JAML: variants seen among roughly 807,000 people sequenced by gnomAD.
JAML encodes junctional adhesion molecule-like.
In JAML, 25 loss-of-function variants were observed where a neutral mutation model predicts 39.3. The observed-to-expected ratio is 0.64, with a 90% CI of 0.46 to 0.89. JAML has a LOEUF of 0.89. JAML is among the 40% of genes least tolerant of loss of function. The pLI, the probability that JAML is intolerant of heterozygous loss-of-function variation, is 0.00. For missense variants in JAML, 440 were observed against 486.9 expected, an observed-to-expected ratio of 0.90 and a Z score of 0.91; for synonymous variants, 162 against 179.2, an observed-to-expected ratio of 0.90 and a Z score of 0.77.
In JAML at chr11:118,212,412, C is replaced by A; in HGVS notation, c.193G>T (p.Ala65Ser). The change falls in exon 3 of 10, where the codon GCC becomes TCC. Residue 65 changes from alanine to serine, a missense_variant. Physicochemically the swap from Ala to Ser is moderately conservative, Grantham distance 99. Coordinates refer to ENST00000356289, the MANE Select transcript of JAML (RefSeq NM_001098526.2). ...TGATGTTTCCCCCGCGTTACCTTGG[C>A]GTGCTCTCCTGGTGACAGAGTCCAG... ...IDWTLSPGEHAKDEYVLYYYS... is the reference protein window; with the variant it reads ...IDWTLSPGEHSKDEYVLYYYS... The A allele has an allele frequency of 6.2e-7, 1 of 1,613,894 alleles. No homozygotes were observed. Among genetic ancestry groups the A allele is most frequent in the Non-Finnish European group, 8.5e-7 (1 of 1,179,932 alleles).
At chr11:118,196,652 C>A in intron 9 of JAML, 83 bp downstream of exon 9, 1 of 1,233,140 alleles carries the variant, frequency 8.1e-7, no homozygotes, top group Non-Finnish European at 1.2e-6. Flanking sequence ...CAGCAGCCTC[C>A]CTTGGGCAAC....
chr11:118,210,806 T>C, intron 3 of JAML, 94 bp from the exon 4 acceptor site: 1 of 1,011,066 alleles, frequency 9.9e-7, no homozygotes. Flanking sequence ...GCAGCAGAGC[T>C]ATCATCATGA....
chr11:118,200,456 G>A lies in JAML; in HGVS notation c.911+18C>T, dbSNP rs772208676. ...CACCCCCAGCCTCCCAATCCAAGGG[G>A]TGGGGGTAGCCCTGTACCTCTTATT... On this transcript the variant is annotated intron_variant, in intron 7 of 9. Coordinates refer to ENST00000356289, the MANE Select transcript of JAML (RefSeq NM_001098526.2). The A allele has an allele frequency of 1.2e-6, 2 of 1,613,450 alleles. No individual in the cohort carries two copies. Among genetic ancestry groups the A allele is most frequent in the Admixed American group, 1.7e-5 (1 of 59,992 alleles).
At chr11:118,215,874 T>C (rs1235270198) in intron 1 of JAML, among the ~76,000 whole-genome samples, 1 of 151,986 alleles carries the variant, frequency 6.6e-6, no homozygotes, top group East Asian at 1.9e-4. Flanking sequence ...CTCTCAGGAG[T>C]TACAGTGCAA....
At chr11:118,196,521 A>C (rs759985708) in intron 9 of JAML, among the ~76,000 whole-genome samples, 1 of 152,182 alleles carries the variant, frequency 6.6e-6, no homozygotes, top group Non-Finnish European at 1.5e-5. Context: ...CACTAATATA[A>C]ATAATCTCTG....
At chr11:118,217,411 T>C (rs918432235) in intron 1 of JAML, among the ~76,000 whole-genome samples, 2 of 152,222 alleles carry the variant, frequency 1.3e-5, no homozygotes, top group African/African-American at 4.8e-5. Flanking sequence ...ATGAGTATCA[T>C]GAATGGAAAA....
intron 1 of JAML, among the ~76,000 whole-genome samples, chr11:118,218,531 A>G (rs1949172664): frequency 6.6e-6 from 1 of 152,204 alleles, no homozygotes; most frequent in African/African-American, 2.4e-5. Flanking sequence ...CCATGAAGCC[A>G]AGAGCCATGC....
At chr11:118,221,594 G>C (rs1460125337) in intron 1 of JAML, among the ~76,000 whole-genome samples, 1 of 152,200 alleles carries the variant, frequency 6.6e-6, no homozygotes, top group Non-Finnish European at 1.5e-5. Context: ...TTGCTTGTCT[G>C]CCCCCGACTT....
intron 5 of JAML, 136 bp downstream of exon 5, chr11:118,205,746 G>A: frequency 5.8e-6 from 4 of 694,340 alleles, no homozygotes; most frequent in Non-Finnish European, 1.0e-5. Flanking sequence ...AGCTGAAATT[G>A]CTAGGAGAAG....
At chr11:118,195,396 GAACA>G (rs1263295712) in intron 9 of JAML, among the ~76,000 whole-genome samples, 1 of 151,984 alleles carries the variant, frequency 6.6e-6, no homozygotes. Flanking sequence ...GGTACGATAG[GAACA>G]AACAAAGCCC....
At chr11:118,196,865 A>C (rs955045444) in intron 8 of JAML, 44 bp from the exon 9 acceptor site, 3 of 1,512,236 alleles carry the variant, frequency 2.0e-6, no homozygotes, top group African/African-American at 2.8e-5. Flanking sequence ...AATTAGATGA[A>C]TCTTATACAC....
intron 9 of JAML, among the ~76,000 whole-genome samples, chr11:118,195,202 G>A (rs1438013554): frequency 6.6e-6 from 1 of 152,164 alleles, no homozygotes; most frequent in East Asian, 1.9e-4. Context: ...GGCCTCGCAA[G>A]TTACTGCAGC....
chr11:118,212,402 G>C lies in JAML; in HGVS notation c.198+5C>G. Reference sequence around the variant, plus strand: ...TATTACATAGTGATGTTTCCCCCGCGTTACCTTGGCGTGCTCTCCTGGTGA... The same window carrying C: ...TATTACATAGTGATGTTTCCCCCGCCTTACCTTGGCGTGCTCTCCTGGTGA... On this transcript the variant is annotated splice_donor_5th_base_variant and intron_variant, in intron 3 of 9. Coordinates refer to ENST00000356289, the MANE Select transcript of JAML (RefSeq NM_001098526.2). 6.2e-7 allele frequency: 1 copy of C among 1,613,558 alleles called. No homozygotes were observed. The highest frequency in any genetic ancestry group is 8.5e-7 in the Non-Finnish European group (1 of 1,179,808).
Position 118,203,540 on chromosome 11 carries a change from C to T in JAML, c.660G>A (p.Met220Ile), listed in dbSNP as rs370345760. The T allele has an allele frequency of 4.3e-6, 7 of 1,614,066 alleles. No individual in the cohort carries two copies. Among genetic ancestry groups the T allele is most frequent in the African/African-American group, 1.3e-5 (1 of 74,928 alleles). The change falls in exon 6 of 10, where the codon ATG becomes ATA. Residue 220 changes from methionine (M) to isoleucine (I), a missense_variant. By Grantham distance (10) the Met-to-Ile change is conservative. Transcript: ENST00000356289. Reference protein sequence around the residue: ...GDIFRNDGSIMLQGVRESDGG... With the variant: ...GDIFRNDGSIILQGVRESDGG... The stretch of plus-strand genomic sequence containing the variant: ...CATCTGACTCCCTCACTCCTTGAAG[C>T]ATGATGGAACCGTCATTGCGGAAAA...
At chr11:118,211,369 A>G (rs1949056516) in intron 3 of JAML, among the ~76,000 whole-genome samples, 1 of 152,118 alleles carries the variant, frequency 6.6e-6, no homozygotes. Context: ...CAGTCTCCCA[A>G]GTAGCTGGGA....
At position 118,203,612 on chromosome 11, in the gene JAML, G is replaced by C; in HGVS notation, c.588C>G (p.Ser196=). The C allele has an allele frequency of 3.1e-6, 5 of 1,614,096 alleles. No individual in the cohort carries two copies. Among genetic ancestry groups the C allele is most frequent in the Non-Finnish European group, 4.2e-6 (5 of 1,180,014 alleles). Residue 196 remains serine (S), a synonymous_variant, in exon 6 of 10, where the codon TCC becomes TCG. Transcript: ENST00000356289. ...YHKLRMSVEY[S]QSWGHFQNRV... ...GATTCTGGAAGTGGCCCCAGCTCTGGGAGTACTCCACAGACATCCTGAGTT... is the reference window on the plus strand; with the variant it reads ...GATTCTGGAAGTGGCCCCAGCTCTGCGAGTACTCCACAGACATCCTGAGTT...
rs143993832 is a variant in JAML at position 118,221,134 on chromosome 11, T to A, written c.-21+3807A>T. ...ATCTGGAGTTTAACAGGCTTTTAGA[T>A]TCAGTCACCATTGGAACTGAGTACA... On this transcript the variant is annotated intron_variant, in intron 1 of 9. Coordinates refer to ENST00000356289, the MANE Select transcript of JAML (RefSeq NM_001098526.2). Among the ~76,000 whole-genome samples, 100 of 152,322 alleles carry A rather than the reference T, an allele frequency of 6.6e-4. 1 individual carries two copies. Among genetic ancestry groups the A allele is most frequent in the Non-Finnish European group, 1.2e-3 (82 of 68,020 alleles).
At chr11:118,223,072 G>A (rs1949225787) in intron 1 of JAML, among the ~76,000 whole-genome samples, 1 of 133,272 alleles carries the variant, frequency 7.5e-6, no homozygotes, top group African/African-American at 2.9e-5. Flanking sequence ...GCCAGCCTAG[G>A]TGACAGAGTG....
chr11:118,199,705 T>A (rs1415122896), intron 7 of JAML, among the ~76,000 whole-genome samples: 54 of 146,660 alleles, frequency 3.7e-4, no homozygotes, highest in Middle Eastern at 3.4e-3. Context: ...TTTTTTTTTT[T>A]TTTTTTTTTG....
Sources: gnomAD v4.1 joint callset for allele counts (sites outside exome capture counted in the v4.1 genomes callset) on GRCh38, gnomAD v4.1.1 for gene constraint, MANE v1.5 for transcripts, NCBI Gene and HGNC (gene_info 2026-07-23, HGNC 2026-07-21) for gene names.